Variants in BMPR1B observed in about 807,000 individuals in gnomAD.
BMPR1B encodes the protein bone morphogenetic protein receptor type-1B.
Under a neutral mutation model 59.1 loss-of-function variants are expected in BMPR1B, and 12 were observed. The ratio of observed to expected loss-of-function variants is 0.20; its 90% CI spans 0.13 to 0.33. The LOEUF (loss-of-function observed/expected upper bound fraction) is 0.33, where lower values mean the gene tolerates loss of function less well. Among genes scored for constraint, BMPR1B ranks in the 10% least tolerant of loss-of-function variants. BMPR1B has a pLI of 1.00. For missense variants in BMPR1B, 550 were observed against 610.9 expected, an observed-to-expected ratio of 0.90 and a Z score of 1.05; for synonymous variants, 237 against 207.3, an observed-to-expected ratio of 1.14 and a Z score of -1.23.
At chr4:95,089,860 A>G (rs928343955) in intron 3 of BMPR1B, among the ~76,000 whole-genome samples, 3 of 152,154 alleles carry the variant, frequency 2.0e-5, no homozygotes, top group Non-Finnish European at 4.4e-5. Flanking sequence ...ATAAATTATC[A>G]AAACTCTATG....
At chr4:94,811,623 T>C (rs990554695) in intron 1 of BMPR1B, among the ~76,000 whole-genome samples, 1 of 152,190 alleles carries the variant, frequency 6.6e-6, no homozygotes, top group South Asian at 2.1e-4. Context: ...ATCAGGCTTA[T>C]ACAAATGCTT....
chr4:94,967,822 G>A (rs1463210487), intron 2 of BMPR1B, among the ~76,000 whole-genome samples: 3 of 151,986 alleles, frequency 2.0e-5, no homozygotes, highest in Non-Finnish European at 4.4e-5. Context: ...TTTTGGCCAC[G>A]TGAAAGAGAT....
chr4:95,047,201 T>C (rs1294511874), intron 3 of BMPR1B, among the ~76,000 whole-genome samples: 1 of 152,218 alleles, frequency 6.6e-6, no homozygotes, highest in Non-Finnish European at 1.5e-5. Context: ...GGAACAATGG[T>C]ATATTACCAG....
At chr4:95,070,369 A>G (rs1432548250) in intron 3 of BMPR1B, among the ~76,000 whole-genome samples, 1 of 152,214 alleles carries the variant, frequency 6.6e-6, no homozygotes, top group Non-Finnish European at 1.5e-5. Context: ...CAGAAGAGAT[A>G]TAAGAAGACT....
At chr4:94,767,361 A>C (rs1403369995) in intron 1 of BMPR1B, among the ~76,000 whole-genome samples, 2 of 152,086 alleles carry the variant, frequency 1.3e-5, no homozygotes, top group Non-Finnish European at 2.9e-5. Context: ...TATAATTTTG[A>C]GTAGGAATTA....
intron 1 of BMPR1B, among the ~76,000 whole-genome samples, chr4:94,874,332 C>T (rs1426362636): frequency 6.6e-6 from 1 of 152,028 alleles, no homozygotes; most frequent in African/African-American, 2.4e-5. Context: ...AGTGGAATTG[C>T]TGGGTCATAT....
intron 1 of BMPR1B, among the ~76,000 whole-genome samples, chr4:94,773,335 C>T (rs1321868079): frequency 2.0e-5 from 3 of 151,880 alleles, no homozygotes; most frequent in Non-Finnish European, 4.4e-5. Context: ...CTTTTTTCTT[C>T]TGGTGTTTTT....
chr4:94,806,172 C>T (rs942674995), intron 1 of BMPR1B, among the ~76,000 whole-genome samples: 1 of 152,162 alleles, frequency 6.6e-6, no homozygotes, highest in African/African-American at 2.4e-5. Context: ...ATACTGTACT[C>T]ACGGTGTCAA....
At chr4:95,056,497 A>G (rs1193041152) in intron 3 of BMPR1B, among the ~76,000 whole-genome samples, 1 of 152,204 alleles carries the variant, frequency 6.6e-6, no homozygotes, top group African/African-American at 2.4e-5. Flanking sequence ...GACATAAAGA[A>G]AAACTAAAGG....
At chr4:94,913,043 C>G (rs891653528) in intron 2 of BMPR1B, among the ~76,000 whole-genome samples, 3 of 151,840 alleles carry the variant, frequency 2.0e-5, no homozygotes, top group Non-Finnish European at 4.4e-5. Context: ...GAAATTATAA[C>G]TTTTAAATAC....
intron 1 of BMPR1B, among the ~76,000 whole-genome samples, chr4:94,808,929 C>T (rs755632274): frequency 2.0e-5 from 3 of 152,008 alleles, no homozygotes; most frequent in Non-Finnish European, 4.4e-5. Context: ...GTGGGGGTTG[C>T]CTGTAGTTCC....
chr4:95,014,955 A>C (rs1201962546), intron 3 of BMPR1B, among the ~76,000 whole-genome samples: 1 of 152,154 alleles, frequency 6.6e-6, no homozygotes, highest in Non-Finnish European at 1.5e-5. Flanking sequence ...TCTGTGATGC[A>C]TGGGAAGAGG....
intron 1 of BMPR1B, among the ~76,000 whole-genome samples, chr4:94,829,739 A>T (rs1724507812): frequency 6.6e-6 from 1 of 152,214 alleles, no homozygotes; most frequent in African/African-American, 2.4e-5. Context: ...TCTAGTAAGG[A>T]AGTCCAAGGT....
At chr4:95,091,375 T>C in intron 3 of BMPR1B, 6 of 808,040 alleles carry the variant, frequency 7.4e-6, no homozygotes, top group Non-Finnish European at 9.0e-6. Flanking sequence ...CATAGCTCAT[T>C]GCTTGACCGG....
chr4:95,074,450 G>A (rs1301166489), intron 3 of BMPR1B, among the ~76,000 whole-genome samples: 3 of 151,982 alleles, frequency 2.0e-5, no homozygotes, highest in Non-Finnish European at 4.4e-5. Context: ...CTCCTTACTC[G>A]GGGTGGAGGG....
chr4:95,005,991 C>T (rs1003925008), intron 3 of BMPR1B, among the ~76,000 whole-genome samples: 8 of 152,044 alleles, frequency 5.3e-5, no homozygotes, highest in South Asian at 2.1e-4. Context: ...TAATAGTTTC[C>T]GCTGGGCACA....
chr4:95,051,933 A>G (rs920971525), intron 3 of BMPR1B, among the ~76,000 whole-genome samples: 7 of 150,798 alleles, frequency 4.6e-5, no homozygotes, highest in African/African-American at 1.7e-4. Flanking sequence ...TACTTTCTCT[A>G]TTATGGCAAG....
At chr4:94,789,793 A>G (rs1722906516) in intron 1 of BMPR1B, among the ~76,000 whole-genome samples, 1 of 138,082 alleles carries the variant, frequency 7.2e-6, no homozygotes. Context: ...TAAATCATAT[A>G]TATAGCTTAT....
intron 1 of BMPR1B, among the ~76,000 whole-genome samples, chr4:94,812,944 G>T (rs1041617940): frequency 2.6e-5 from 4 of 150,956 alleles, no homozygotes; most frequent in Non-Finnish European, 5.9e-5. Flanking sequence ...ACAAAATTAA[G>T]ACAATTTTTA....
Sources: gnomAD v4.1 joint callset for allele counts (sites outside exome capture counted in the v4.1 genomes callset) on GRCh38, gnomAD v4.1.1 for gene constraint, MANE v1.5 for transcripts, NCBI Gene and HGNC (gene_info 2026-07-23, HGNC 2026-07-21) for gene names.